GRIN2D: variants seen among roughly 807,000 people sequenced by gnomAD.
The protein encoded by GRIN2D is glutamate receptor ionotropic, NMDA 2D.
In GRIN2D, 37 loss-of-function variants were observed where a neutral mutation model predicts 103.2. The ratio of observed to expected loss-of-function variants is 0.36; its 90% CI spans 0.28 to 0.47. The LOEUF (loss-of-function observed/expected upper bound fraction) is 0.47. Among genes scored for constraint, GRIN2D ranks in the 20% least tolerant of loss-of-function variants. The pLI is 1.00. For missense variants in GRIN2D, 1,557 were observed against 1,910.6 expected (o/e 0.81, Z 3.45); for synonymous variants, 845 against 885.6 (o/e 0.95, Z 0.81).
chr19:48,414,458 C>T lies in GRIN2D; in HGVS notation c.1286C>T (p.Thr429Met), dbSNP rs1970916987. 6.2e-7 allele frequency: 1 copy of T among 1,607,608 alleles called. No homozygotes were observed. Among genetic ancestry groups the T allele is most frequent in the South Asian group, 1.1e-5 (1 of 89,668 alleles). Reference protein sequence around the residue: ...YGRFLQPVDDTQHLTVATLEE... With the variant: ...YGRFLQPVDDMQHLTVATLEE... ...CGCTTCCTGCAGCCAGTGGACGACA[C>T]GCAGCACCTCACGGTGGCCACGCTG... Residue 429 changes from threonine to methionine, a missense_variant, in exon 6 of 14, where the codon ACG becomes ATG. By Grantham distance (81) the Thr-to-Met change is moderately conservative (BLOSUM62 -1). Transcript: ENST00000263269. The surrounding 1 kb of genome is among the most constrained non-coding windows in gnomAD (Gnocchi z 4.6).
chr19:48,408,411 A>T (rs1037410477), intron 4 of GRIN2D, among the ~76,000 whole-genome samples: 3 of 151,566 alleles, frequency 2.0e-5, no homozygotes, highest in Non-Finnish European at 2.9e-5. Flanking sequence ...ACATGGGAGG[A>T]TCACTTGAGC....
rs117200648 is a variant in GRIN2D, at chr19:48,405,632, G to A, written c.1085+279G>A. On this transcript the variant is annotated intron_variant, in intron 4 of 13. Transcript: ENST00000263269. The surrounding 1 kb of genome is among the most constrained non-coding windows in gnomAD (Gnocchi z 5.1). ...TGAAAACGAGATGTGTCTTATAATT[G>A]ATGACTTATCATGGCTTAATTGGCA... Among the ~76,000 whole-genome samples the A allele has an allele frequency of 5.7e-3, 873 of 152,294 alleles. 23 individuals carry two copies. In the East Asian group the frequency reaches 0.087, roughly 15 times the overall value.
chr19:48,431,909 TTTTC>T (rs975689784), intron 11 of GRIN2D, among the ~76,000 whole-genome samples: 84 of 143,108 alleles, frequency 5.9e-4, no homozygotes, highest in Admixed American at 5.4e-3. Context: ...TTCTTTTATC[TTTTC>T]TTTATTTTTT....
rs558145510 is a variant in GRIN2D, at chr19:48,425,334, C to T, written c.2252+3389C>T. Among the ~76,000 whole-genome samples, 45 of 152,216 alleles carry T rather than the reference C, an allele frequency of 3.0e-4. No homozygotes were observed. The South Asian group carries it at 3.9e-3, about 13-fold the overall frequency. On this transcript the variant is annotated intron_variant, in intron 11 of 13. Coordinates refer to ENST00000263269, the MANE Select transcript of GRIN2D (RefSeq NM_000836.4). ...TCGGCTCACTGCAACCTCCGCTTCC[C>T]GGGTTCAAGCGATTCTCCTGCCTCA...
At chr19:48,402,997 G>A (rs1160441408) in intron 3 of GRIN2D, among the ~76,000 whole-genome samples, 11 of 151,902 alleles carry the variant, frequency 7.2e-5, no homozygotes, top group African/African-American at 2.2e-4. Flanking sequence ...TCAGAAGTTC[G>A]AGACCAGCTT....
At chr19:48,441,347 A>T in intron 11 of GRIN2D, among the ~76,000 whole-genome samples, 1 of 141,338 alleles carries the variant, frequency 7.1e-6, no homozygotes, top group East Asian at 2.2e-4. Context: ...TGGGTGACAG[A>T]GTGAGACTCT....
chr19:48,434,683 C>T (rs1238657038), intron 11 of GRIN2D, among the ~76,000 whole-genome samples: 3 of 152,076 alleles, frequency 2.0e-5, no homozygotes, highest in Non-Finnish European at 4.4e-5. Context: ...ATCCTCCCAC[C>T]TTGGCCTCCC....
chr19:48,429,014 T>C (rs1971122918), intron 11 of GRIN2D, among the ~76,000 whole-genome samples: 1 of 152,126 alleles, frequency 6.6e-6, no homozygotes, highest in South Asian at 2.1e-4. Flanking sequence ...CCAGAATCAC[T>C]CCTTTTGTCC....
chr19:48,442,908 G>A lies in GRIN2D; in HGVS notation c.2982G>A (p.Pro994=), dbSNP rs1170894960. 7.3e-6 allele frequency: 8 copies of A among 1,101,456 alleles called. No homozygotes were observed. Among genetic ancestry groups the A allele is most frequent in the African/African-American group, 1.7e-5 (1 of 58,796 alleles). 68.2% of individuals were successfully genotyped at this position (1,101,456 alleles called of 1,614,324 possible). A position where few individuals can be genotyped will look rare whatever the true frequency, so the allele number is the denominator to read the frequency against. Residue 994 remains proline (P), a synonymous_variant, in exon 14 of 14, where the codon CCG becomes CCA. Coordinates refer to ENST00000263269, the MANE Select transcript of GRIN2D (RefSeq NM_000836.4). This position sits in a 1 kb window ranked among gnomAD's most constrained non-coding sequence, Gnocchi z 7.2. ...PRGAAGRPLS[P]PAAQPPQKPP... ...GCGCAGCCGGGCGCCCGCTGTCCCC[G>A]CCGGCCGCTCAGCCCCCGCAGAAGC...
chr19:48,395,016 G>C (rs1217700662), intron 2 of GRIN2D, 80 bp downstream of exon 2: 1 of 152,532 alleles, frequency 6.6e-6, no homozygotes, highest in East Asian at 1.9e-4. Context: ...TTGGCAAGAA[G>C]CCTCGTGGAG....
In GRIN2D at chr19:48,442,173, C is replaced by T. The variant is rs757289254; in HGVS notation, c.2464C>T (p.Leu822=). ...GDDEIEMLER[L]WLSGICHNDK... is the part of the protein sequence containing the mutation. ...AGATGAGATCGAGATGCTGGAGCGG[C>T]TGTGGCTCTCTGGGATCTGCCACAA... The change falls in exon 13 of 14, where the codon CTG becomes TTG. Residue 822 remains leucine, a synonymous_variant. Coordinates refer to ENST00000263269, the MANE Select transcript of GRIN2D (RefSeq NM_000836.4). This position sits in a 1 kb window ranked among gnomAD's most constrained non-coding sequence, Gnocchi z 7.2. 1 of 1,614,174 alleles carries T rather than the reference C, an allele frequency of 6.2e-7. No individual in the cohort carries two copies. The highest frequency in any genetic ancestry group is 8.5e-7 in the Non-Finnish European group (1 of 1,180,008).
At chr19:48,395,240 CTA>C (rs1417636326) in intron 2 of GRIN2D, among the ~76,000 whole-genome samples, 1 of 151,880 alleles carries the variant, frequency 6.6e-6, no homozygotes, top group Non-Finnish European at 1.5e-5. Context: ...CTCCATCTCT[CTA>C]TCTCACCTTC....
At position 48,443,732 on chromosome 19, in the gene GRIN2D, C is replaced by G; in HGVS notation, c.3806C>G (p.Ser1269Trp). 2.2e-6 allele frequency: 3 copies of G among 1,351,850 alleles called. No homozygotes were observed. The highest frequency in any genetic ancestry group is 2.8e-6 in the Non-Finnish European group (3 of 1,053,480). The allele number at this position is 1,351,850 out of a possible 1,614,324, so 83.7% of individuals were successfully genotyped here. A position where few individuals can be genotyped will look rare whatever the true frequency, so the allele number is the denominator to read the frequency against. Residue 1269 changes from serine to tryptophan, a missense_variant, in exon 14 of 14, where the codon TCG (serine) becomes TGG (tryptophan). This residue lies in a region of GRIN2D where 11 missense variants were observed against 29.1 expected (regional missense o/e 0.38). Transcript: ENST00000263269. This position sits in a 1 kb window ranked among gnomAD's most constrained non-coding sequence, Gnocchi z 8.9. The part of the protein sequence containing the change: ...GWDLPPPAPT[S>W]RSLEDLSSCP... Reference sequence around the variant, plus strand: ...GACCTCCCGCCGCCCGCGCCCACCTCGCGCTCGCTCGAGGACCTCAGCTCG... The same window carrying G: ...GACCTCCCGCCGCCCGCGCCCACCTGGCGCTCGCTCGAGGACCTCAGCTCG...
At chr19:48,431,181 A>G (rs1971151447) in intron 11 of GRIN2D, among the ~76,000 whole-genome samples, 1 of 152,178 alleles carries the variant, frequency 6.6e-6, no homozygotes. Flanking sequence ...CAGCCTGGGC[A>G]TAGCCGCCAT....
At chr19:48,440,347 C>T (rs185804189) in intron 11 of GRIN2D, among the ~76,000 whole-genome samples, 1 of 152,278 alleles carries the variant, frequency 6.6e-6, no homozygotes, top group East Asian at 1.9e-4. Flanking sequence ...AGTCCCAGTA[C>T]TTTGGGTGGC....
At chr19:48,437,623 C>T (rs541944297) in intron 11 of GRIN2D, among the ~76,000 whole-genome samples, 2 of 152,296 alleles carry the variant, frequency 1.3e-5, no homozygotes, top group East Asian at 3.9e-4. Context: ...GTCTCTCCTT[C>T]CACTCCCGCT....
Position 48,405,756 on chromosome 19 carries a change from A to G in GRIN2D, c.1085+403A>G, listed in dbSNP as rs563498936. 4.9e-4 allele frequency among the ~76,000 whole-genome samples: 74 copies of G among 152,236 alleles called. 1 individual carries two copies. Among genetic ancestry groups the G allele is most frequent in the African/African-American group, 1.6e-3 (66 of 41,540 alleles). ...AAACTGAGCTTCAGTAGCAAAAAAG[A>G]CCCAACAATCCAGTGGCCCAGATGA... On this transcript the variant is annotated intron_variant, in intron 4 of 13. Coordinates refer to ENST00000263269, the MANE Select transcript of GRIN2D (RefSeq NM_000836.4). The surrounding 1 kb of genome is among the most constrained non-coding windows in gnomAD (Gnocchi z 5.1).
Position 48,421,811 on chromosome 19 carries a change from G to C in GRIN2D, c.2118G>C (p.Pro706=), listed in dbSNP as rs768616486. The change falls in exon 11 of 14, where the codon CCG becomes CCC. Residue 706 remains proline, a synonymous_variant. Coordinates refer to ENST00000263269, the MANE Select transcript of GRIN2D (RefSeq NM_000836.4). This position sits in a 1 kb window ranked among gnomAD's most constrained non-coding sequence, Gnocchi z 4.8. ...RKFQRPQEQY[P]PLKFGTVPNG... is the part of the protein sequence containing the mutation. Reference sequence around the variant, plus strand: ...TCCAGAGGCCCCAGGAGCAGTACCCGCCCCTGAAGTTTGGGACCGTGCCCA... The same window carrying C: ...TCCAGAGGCCCCAGGAGCAGTACCCCCCCCTGAAGTTTGGGACCGTGCCCA... The C allele has an allele frequency of 6.2e-7, 1 of 1,613,954 alleles. No individual in the cohort carries two copies. Among genetic ancestry groups the C allele is most frequent in the Non-Finnish European group, 8.5e-7 (1 of 1,179,952 alleles).
intron 11 of GRIN2D, among the ~76,000 whole-genome samples, chr19:48,427,037 CAGTT>C (rs148464683): frequency 0.038 from 5,711 of 152,024 alleles, 343 homozygotes; most frequent in African/African-American, 0.13. Context: ...TCTTCCAAAA[CAGTT>C]AGGCACAGTG....
Sources: gnomAD v4.1 joint callset for allele counts (sites outside exome capture counted in the v4.1 genomes callset) on GRCh38, gnomAD v4.1.1 for gene constraint, gnomAD v4.1.1 regional missense constraint, Gnocchi (gnomAD v3.1) non-coding constraint, MANE v1.5 for transcripts, NCBI Gene and HGNC (gene_info 2026-07-23, HGNC 2026-07-21) for gene names.